RFC3: variants seen among roughly 807,000 people sequenced by gnomAD.
RFC3 encodes replication factor C subunit 3.
Under a neutral mutation model 45.1 loss-of-function variants are expected in RFC3, and 41 were observed. The observed-to-expected ratio is 0.91, with a 90% CI of 0.71 to 1.18. RFC3 has a LOEUF of 1.18. Among genes scored for constraint, RFC3 ranks in the 50% most tolerant of loss-of-function variants. RFC3 has a pLI of 0.00. For missense variants in RFC3, 423 were observed against 428.1 expected (o/e 0.99, Z 0.10); for synonymous variants, 149 against 144.0 (o/e 1.03, Z -0.25).
chr13:33,903,795 C>T (rs1216389749), intron 8 of RFC3, among the ~76,000 whole-genome samples: 1 of 152,048 alleles, frequency 6.6e-6, no homozygotes. Flanking sequence ...CTTTGTTTGG[C>T]CCCTGTGCTC....
At chr13:33,903,184 G>T (rs1017266941) in intron 8 of RFC3, among the ~76,000 whole-genome samples, 1 of 152,036 alleles carries the variant, frequency 6.6e-6, no homozygotes, top group Non-Finnish European at 1.5e-5. Context: ...CTACTACAGA[G>T]AAAGTTCTCT....
chr13:33,925,443 GTGTACTATATACATA>G (rs1165377585), intron 8 of RFC3, among the ~76,000 whole-genome samples: 2 of 134,730 alleles, frequency 1.5e-5, no homozygotes, highest in African/African-American at 3.1e-5. Context: ...TACATACATA[GTGTACTATATACATA>G]CATACATAGT....
At chr13:33,822,122 G>A (rs3135561) in intron 2 of RFC3, among the ~76,000 whole-genome samples, 5,279 of 152,184 alleles carry the variant, frequency 0.035, 191 homozygotes, top group African/African-American at 0.086. Context: ...ATGTTGATTA[G>A]CATATATTTA....
intron 8 of RFC3, among the ~76,000 whole-genome samples, chr13:33,899,959 A>G (rs1346507306): frequency 6.6e-6 from 1 of 152,014 alleles, no homozygotes; most frequent in East Asian, 1.9e-4. Flanking sequence ...ACACCTAGGA[A>G]TCAATTTAAT....
downstream of RFC3, among the ~76,000 whole-genome samples, chr13:33,967,178 TAAAA>T (rs919871638): frequency 2.6e-5 from 4 of 151,578 alleles, no homozygotes; most frequent in Admixed American, 1.3e-4. Context: ...AAAAAAAATT[TAAAA>T]AAAGGGAAAA....
chr13:33,958,510 A>T (rs1309499821), intron 8 of RFC3, among the ~76,000 whole-genome samples: 1 of 152,200 alleles, frequency 6.6e-6, no homozygotes, highest in Non-Finnish European at 1.5e-5. Context: ...AAACTGGATG[A>T]GTGTTACCCC....
chr13:33,840,590 TTG>T (rs200083234), downstream of RFC3, among the ~76,000 whole-genome samples: 1,402 of 41,258 alleles, frequency 0.034, 28 homozygotes, highest in African/African-American at 0.069. Flanking sequence ...ATTCTTTTTT[TTG>T]TGTGTGTTTT....
chr13:33,926,157 A>G (rs2082811168), intron 8 of RFC3, among the ~76,000 whole-genome samples: 2 of 140,614 alleles, frequency 1.4e-5, no homozygotes, highest in East Asian at 2.2e-4. Context: ...GAATTGAACA[A>G]TGAGAACACA....
At chr13:33,976,927 G>T in the RFC3 span, among the ~76,000 whole-genome samples, 1 of 152,008 alleles carries the variant, frequency 6.6e-6, no homozygotes, top group South Asian at 2.1e-4. Flanking sequence ...ACACTACCTC[G>T]CCCAGGTAGT....
At chr13:33,831,044 C>T (rs534449201) in intron 6 of RFC3, among the ~76,000 whole-genome samples, 189 bp downstream of exon 6, 12 of 152,274 alleles carry the variant, frequency 7.9e-5, no homozygotes, top group African/African-American at 2.9e-4. Context: ...CTTGCATAAG[C>T]AGTTCACAAT....
intron 8 of RFC3, among the ~76,000 whole-genome samples, chr13:33,900,991 G>A (rs2082637661): frequency 6.6e-6 from 1 of 151,894 alleles, no homozygotes; most frequent in Non-Finnish European, 1.5e-5. Context: ...AAATCACAAT[G>A]AGACATTATC....
intron 8 of RFC3, among the ~76,000 whole-genome samples, chr13:33,921,984 C>G (rs1421020019): frequency 6.6e-6 from 1 of 152,064 alleles, no homozygotes; most frequent in Non-Finnish European, 1.5e-5. Flanking sequence ...TAAACTTCAG[C>G]ATGTTCTTCT....
chr13:33,973,344 A>G, the RFC3 span, among the ~76,000 whole-genome samples: 1 of 152,234 alleles, frequency 6.6e-6, no homozygotes, highest in African/African-American at 2.4e-5. Flanking sequence ...GGAACAGTAC[A>G]TGGCTAAAGC....
At chr13:33,946,768 A>T (rs893509376) in intron 8 of RFC3, among the ~76,000 whole-genome samples, 7 of 152,232 alleles carry the variant, frequency 4.6e-5, no homozygotes. Flanking sequence ...AATAGTCTTT[A>T]TAGATATTAT....
chr13:33,820,945 C>G lies in RFC3; in HGVS notation c.88-187C>G, dbSNP rs56382938. Among the ~76,000 whole-genome samples, 876 of 148,754 alleles carry G rather than the reference C, an allele frequency of 5.9e-3. 6 individuals are homozygous for G. Among genetic ancestry groups the G allele is most frequent in the African/African-American group, 0.02 (830 of 40,874 alleles). ...TATATATATATATATAAAAGATACACAATATTTTGTGTATCTACCCATGAA... is the reference window on the plus strand; with the variant it reads ...TATATATATATATATAAAAGATACAGAATATTTTGTGTATCTACCCATGAA... On this transcript the variant is annotated intron_variant, in intron 1 of 8. Coordinates refer to ENST00000380071, the MANE Select transcript of RFC3 (RefSeq NM_002915.4).
chr13:33,887,832 C>T (rs1400797032), intron 8 of RFC3, among the ~76,000 whole-genome samples: 2 of 151,986 alleles, frequency 1.3e-5, no homozygotes, highest in South Asian at 4.2e-4. Flanking sequence ...GATCCAGTTT[C>T]AGCTTTCTAC....
At chr13:33,849,222 A>C (rs2082260579) in intron 8 of RFC3, 1 of 152,282 alleles carries the variant, frequency 6.6e-6, no homozygotes, top group South Asian at 2.1e-4. Flanking sequence ...GCAAGACCTG[A>C]AGCAGGAAGG....
chr13:33,910,437 A>T (rs1295403955), intron 8 of RFC3, among the ~76,000 whole-genome samples: 2 of 152,134 alleles, frequency 1.3e-5, no homozygotes, highest in African/African-American at 2.4e-5. Flanking sequence ...AATGTTCATC[A>T]TTGTTATTAC....
At position 33,868,848 on chromosome 13, in the gene RFC3, A is replaced by G. The variant is rs577679676; in HGVS notation, c.879+33631A>G. 4.6e-5 allele frequency among the ~76,000 whole-genome samples: 7 copies of G among 152,288 alleles called. No homozygotes were observed. The South Asian group carries it at 1.4e-3, about 32-fold the overall frequency. ...CAAGAACCTGGATGACTCAAAGTCA[A>G]GACACTCCACAGGTAACAAAAAGGC... is the stretch of plus-strand genomic sequence containing the variant. On this transcript the variant is annotated intron_variant, in intron 8 of 8. Coordinates refer to the RFC3 transcript ENST00000434425.
Sources: gnomAD v4.1 joint callset for allele counts (sites outside exome capture counted in the v4.1 genomes callset) on GRCh38, gnomAD v4.1.1 for gene constraint, MANE v1.5 for transcripts, NCBI Gene and HGNC (gene_info 2026-07-23, HGNC 2026-07-21) for gene names.